Variants in ANKAR observed in about 807,000 individuals in gnomAD.
ANKAR encodes ankyrin and armadillo repeat containing.
Under a neutral mutation model 146.2 loss-of-function variants are expected in ANKAR, and 136 were observed. That is an observed-to-expected ratio of 0.93 (90% CI 0.81 to 1.07). The LOEUF is 1.07. Ranked by LOEUF, ANKAR falls within the 50% of genes least tolerant of loss-of-function variation. The pLI, the probability that ANKAR is intolerant of heterozygous loss-of-function variation, is 0.00. For synonymous variants in ANKAR, 500 were observed against 575.8 expected, an observed-to-expected ratio of 0.87 and a Z score of 1.88; for missense variants, 1,567 against 1,679.9, an observed-to-expected ratio of 0.93 and a Z score of 1.18.
At chr2:189,704,995 C>G in intron 7 of ANKAR, 28 bp from the exon 8 acceptor site, 1 of 1,604,256 alleles carries the variant, frequency 6.2e-7, no homozygotes, top group Non-Finnish European at 8.5e-7. Context: ...GTGCTGTGAT[C>G]ACTGAAGTAA....
At chr2:189,680,898 T>C (rs1185457233) in intron 2 of ANKAR, among the ~76,000 whole-genome samples, 1 of 152,192 alleles carries the variant, frequency 6.6e-6, no homozygotes, top group Non-Finnish European at 1.5e-5. Flanking sequence ...AATTTAAAGG[T>C]AATTTATCTG....
intron 19 of ANKAR, among the ~76,000 whole-genome samples, chr2:189,741,013 T>G (rs1005589247): frequency 6.6e-6 from 1 of 152,224 alleles, no homozygotes; most frequent in African/African-American, 2.4e-5. Flanking sequence ...TTATGATAAT[T>G]AAATCATTAT....
At chr2:189,707,187 T>C (rs534512575) in intron 9 of ANKAR, 41 bp downstream of exon 9, 79 of 1,100,618 alleles carry the variant, frequency 7.2e-5, no homozygotes, top group Middle Eastern at 6.3e-4. Context: ...CTGATTATTA[T>C]TCAGTTTAGT....
chr2:189,675,563 T>G (rs1550242), intron 1 of ANKAR, among the ~76,000 whole-genome samples: 148,552 of 152,148 alleles, frequency 0.98, 72,637 homozygotes, highest in East Asian at 1. Flanking sequence ...TGTCAGGCTG[T>G]TCTCGAACTC....
chr2:189,715,511 C>G (rs190698464), intron 10 of ANKAR, among the ~76,000 whole-genome samples: 1 of 152,192 alleles, frequency 6.6e-6, no homozygotes, highest in Non-Finnish European at 1.5e-5. Flanking sequence ...ACCAGAGATA[C>G]AAAGAGGAGC....
chr2:189,737,085 GAAAA>G (rs1443243107), intron 17 of ANKAR, among the ~76,000 whole-genome samples: 5 of 143,452 alleles, frequency 3.5e-5, no homozygotes, highest in African/African-American at 1.3e-4. Flanking sequence ...AAAAAAAAAA[GAAAA>G]AGAAAAAAAA....
chr2:189,762,675 T>C (rs1026505084), downstream of ANKAR: 2 of 985,318 alleles, frequency 2.0e-6, no homozygotes, highest in Non-Finnish European at 2.4e-6. Flanking sequence ...GAGTGAGCAA[T>C]TTCACCCACC....
chr2:189,760,978 T>A (rs1424009843), intron 18 of ANKAR: 1 of 152,720 alleles, frequency 6.5e-6, no homozygotes, highest in African/African-American at 2.4e-5. Context: ...TCTATAAACA[T>A]CACAGTTTAT....
rs937055836 is a variant in ANKAR, at chr2:189,743,599, T to C, written c.4010+125T>C. 6 of 890,742 alleles carry C rather than the reference T, an allele frequency of 6.7e-6. No individual in the cohort carries two copies. The Admixed American group carries it at 8.6e-5, about 13-fold the overall frequency. 55.2% of individuals were successfully genotyped at this position (890,742 alleles called of 1,614,324 possible). On this transcript the variant is annotated intron_variant, in intron 21 of 22. Transcript: ENST00000684021. The stretch of plus-strand genomic sequence containing the variant: ...AACATATCTCCTGTATAGCAGAGGA[T>C]AAACTTTATTCTAAATGACCACTGC...
intron 2 of ANKAR, among the ~76,000 whole-genome samples, chr2:189,684,475 T>A (rs553518587): frequency 6.6e-6 from 1 of 152,300 alleles, no homozygotes; most frequent in East Asian, 1.9e-4. Flanking sequence ...TTTTTTGGTT[T>A]GATTTTAAAT....
intron 19 of ANKAR, 74 bp downstream of exon 19, chr2:189,738,756 TAATAA>T: frequency 1.1e-6 from 1 of 884,376 alleles, no homozygotes; most frequent in African/African-American, 1.7e-5. Flanking sequence ...ATCTGAATAA[TAATAA>T]AATAATACGC....
intron 11 of ANKAR, among the ~76,000 whole-genome samples, chr2:189,720,103 A>G (rs974741809): frequency 4.6e-5 from 7 of 152,212 alleles, no homozygotes; most frequent in African/African-American, 1.4e-4. Context: ...CTAATGGGGC[A>G]ATATATTCAA....
Position 189,689,454 on chromosome 2 carries a change from C to A in ANKAR, c.602-73C>A. On this transcript the variant is annotated intron_variant, in intron 2 of 22. Transcript: ENST00000684021. Reference sequence around the variant, plus strand: ...GGATTTCATGATAAAATCCTGTGTTCAATCTTCTGTATTTATCCAGAAGCC... The same window carrying A: ...GGATTTCATGATAAAATCCTGTGTTAAATCTTCTGTATTTATCCAGAAGCC... The A allele has an allele frequency of 4.0e-6, 5 of 1,239,608 alleles. No individual in the cohort carries two copies. The South Asian group carries it at 7.5e-5, about 19-fold the overall frequency. 76.8% of individuals were successfully genotyped at this position (1,239,608 alleles called of 1,614,324 possible).
chr2:189,749,635 A>G (rs917105421), downstream of ANKAR, among the ~76,000 whole-genome samples: 3 of 152,242 alleles, frequency 2.0e-5, no homozygotes, highest in African/African-American at 7.2e-5. Flanking sequence ...GTGGACAACT[A>G]AAGCGTACAA....
At chr2:189,676,358 C>A in intron 1 of ANKAR, 98 bp from the exon 2 acceptor site, 1 of 1,084,752 alleles carries the variant, frequency 9.2e-7, no homozygotes, top group Non-Finnish European at 1.3e-6. Flanking sequence ...AAAAATTAAT[C>A]TTATGTAGGT....
chr2:189,692,480 C>T lies in ANKAR; in HGVS notation c.1203+62C>T, dbSNP rs1402417398. 4 of 1,459,610 alleles carry T rather than the reference C, an allele frequency of 2.7e-6. No individual in the cohort carries two copies. In the African/African-American group the frequency reaches 4.3e-5, roughly 16 times the overall value. 90.4% of individuals were successfully genotyped at this position (1,459,610 alleles called of 1,614,324 possible). On this transcript the variant is annotated intron_variant, in intron 4 of 22. Transcript: ENST00000684021. The stretch of plus-strand genomic sequence containing the variant: ...ACAACTCTTTTATCCTATTCTCCAA[C>T]CAAAAAGAGCCTCTGTTGGTACAGG...
intron 12 of ANKAR, among the ~76,000 whole-genome samples, chr2:189,725,279 TACACACACACACACACACAC>T (rs10546393): frequency 1.4e-5 from 2 of 146,466 alleles, no homozygotes; most frequent in Non-Finnish European, 3.0e-5. Context: ...TATGGATTTA[TACACACACACACACACACAC>T]ACACACACAC....
intron 17 of ANKAR, among the ~76,000 whole-genome samples, chr2:189,737,171 T>C (rs533383356): frequency 7.3e-5 from 11 of 151,548 alleles, no homozygotes; most frequent in Middle Eastern, 6.9e-3. Context: ...ATACTAATAA[T>C]ACAATATATT....
Position 189,753,856 on chromosome 2 carries a change from T to TG in ANKAR, c.*585-7239dup, listed in dbSNP as rs550134796. 61 of 1,564,136 alleles carry TG rather than the reference T, an allele frequency of 3.9e-5. No individual in the cohort carries two copies. In the African/African-American group the frequency reaches 7.8e-4, roughly 20 times the overall value. Reference sequence around the variant, plus strand: ...CATCCTAAACACAAGGTCAAGGTCTTGGGAAAAAAGTAACATATTGCAAAG... The same window carrying TG: ...CATCCTAAACACAAGGTCAAGGTCTTGGGGAAAAAAGTAACATATTGCAAAG... On this transcript the variant is annotated intron_variant and NMD_transcript_variant, in intron 18 of 18. Transcript: ENST00000441800.
Sources: gnomAD v4.1 joint callset for allele counts (sites outside exome capture counted in the v4.1 genomes callset) on GRCh38, gnomAD v4.1.1 for gene constraint, MANE v1.5 for transcripts, NCBI Gene and HGNC (gene_info 2026-07-23, HGNC 2026-07-21) for gene names.